The following PCBP3 variants were observed in gnomAD, a reference collection of about 807,000 sequenced individuals.
The protein encoded by PCBP3 is poly(rC)-binding protein 3.
A neutral mutation model predicts 52.7 loss-of-function variants in PCBP3; 25 were observed. That is an observed-to-expected ratio of 0.47 (90% CI 0.35 to 0.66). The LOEUF is 0.66. PCBP3 is among the 30% of genes least tolerant of loss of function. The pLI is 0.01. For synonymous variants in PCBP3, 162 were observed against 183.0 expected (o/e 0.89, Z 0.93); for missense variants, 391 against 490.3 (o/e 0.80, Z 1.91).
At chr21:45,876,915 G>A (rs564206652) in intron 5 of PCBP3, among the ~76,000 whole-genome samples, 3 of 152,334 alleles carry the variant, frequency 2.0e-5, no homozygotes, top group Non-Finnish European at 2.9e-5. Context: ...CCCAGATGGC[G>A]CTTTGCTGGC....
intron 5 of PCBP3, among the ~76,000 whole-genome samples, chr21:45,895,977 G>A (rs1366961409): frequency 6.6e-6 from 1 of 152,262 alleles, no homozygotes; most frequent in East Asian, 1.9e-4. Context: ...GGCCTGCCCA[G>A]CGTCAGGAGG....
At chr21:45,882,155 A>C (rs772375386) in intron 5 of PCBP3, among the ~76,000 whole-genome samples, 10 of 152,182 alleles carry the variant, frequency 6.6e-5, no homozygotes, top group Non-Finnish European at 1.5e-4. Context: ...AGCACTGTAC[A>C]AGGGTTCCCT....
intron 4 of PCBP3, among the ~76,000 whole-genome samples, chr21:45,844,937 T>G (rs1290685499): frequency 6.6e-6 from 1 of 150,898 alleles, no homozygotes; most frequent in Non-Finnish European, 1.5e-5. Context: ...TTTACATATA[T>G]ATATGCTTTA....
At chr21:45,786,912 C>T (rs1420915497) in intron 4 of PCBP3, among the ~76,000 whole-genome samples, 1 of 152,208 alleles carries the variant, frequency 6.6e-6, no homozygotes, top group African/African-American at 2.4e-5. Context: ...CTCCTGCCTC[C>T]TTCCATGAGA....
chr21:45,883,290 G>A (rs748210166), intron 5 of PCBP3, among the ~76,000 whole-genome samples: 1 of 152,166 alleles, frequency 6.6e-6, no homozygotes, highest in Non-Finnish European at 1.5e-5. Flanking sequence ...AATTTGCTGA[G>A]GTTTCTTTTA....
chr21:45,822,342 G>A (rs933651498), intron 4 of PCBP3, among the ~76,000 whole-genome samples: 5 of 152,112 alleles, frequency 3.3e-5, no homozygotes, highest in East Asian at 1.9e-4. Context: ...GGTGTTCTGC[G>A]TTCTTTTAAA....
Position 45,656,364 on chromosome 21 carries a change from A to G in PCBP3, c.-279+12496A>G. On this transcript the variant is annotated intron_variant, in intron 1 of 17. Transcript: ENST00000681687. This position sits in a 1 kb window ranked among gnomAD's most constrained non-coding sequence, Gnocchi z 4.3. ...TGCAGGGACATGGATGAAGCTGGAA[A>G]CCATCATTCTCAGCAAACTAACACA... 6.6e-6 allele frequency among the ~76,000 whole-genome samples: 1 copy of G among 152,064 alleles called. No homozygotes were observed. Among genetic ancestry groups the G allele is most frequent in the African/African-American group, 2.4e-5 (1 of 41,348 alleles).
intron 13 of PCBP3, among the ~76,000 whole-genome samples, chr21:45,926,831 G>A (rs950959282): frequency 2.6e-5 from 4 of 152,212 alleles, no homozygotes; most frequent in African/African-American, 9.6e-5. Flanking sequence ...TAAAACGTAA[G>A]CACAGACTGT....
At chr21:45,686,925 A>G (rs1239649548) in intron 2 of PCBP3, among the ~76,000 whole-genome samples, 1 of 152,184 alleles carries the variant, frequency 6.6e-6, no homozygotes, top group Non-Finnish European at 1.5e-5. Context: ...AAGTCCCAGA[A>G]GAGGAGGAGA....
At chr21:45,771,335 C>T (rs2089847620) in intron 4 of PCBP3, among the ~76,000 whole-genome samples, 1 of 152,152 alleles carries the variant, frequency 6.6e-6, no homozygotes, top group Non-Finnish European at 1.5e-5. Context: ...CTGTCTCAAG[C>T]ACATGGTGGG....
intron 1 of PCBP3, among the ~76,000 whole-genome samples, chr21:45,645,096 C>T (rs1191227982): frequency 6.6e-6 from 1 of 152,206 alleles, no homozygotes; most frequent in African/African-American, 2.4e-5. Context: ...TTTGCAAGAT[C>T]TGAAAGGACC....
intron 3 of PCBP3, among the ~76,000 whole-genome samples, chr21:45,738,404 G>A (rs960704852): frequency 4.6e-5 from 7 of 151,836 alleles, no homozygotes; most frequent in East Asian, 2.0e-4. Context: ...ACAGACGCCC[G>A]CCACCACGCC....
chr21:45,795,496 C>T (rs1027393634), intron 4 of PCBP3, among the ~76,000 whole-genome samples: 8 of 151,962 alleles, frequency 5.3e-5, no homozygotes, highest in South Asian at 2.1e-4. Context: ...GTAACCCAGG[C>T]GTCATTATAT....
intron 4 of PCBP3, among the ~76,000 whole-genome samples, chr21:45,771,994 T>C (rs2089906357): frequency 6.6e-6 from 1 of 152,216 alleles, no homozygotes; most frequent in African/African-American, 2.4e-5. Flanking sequence ...AGTTTTTTGT[T>C]AACCTATTTA....
rs2094129206 is a variant in PCBP3 at position 45,853,383 on chromosome 21, C to T, written c.10+3288C>T. Among the ~76,000 whole-genome samples the T allele has an allele frequency of 6.6e-6, 1 of 152,044 alleles. No homozygotes were observed. Among genetic ancestry groups the T allele is most frequent in the Admixed American group, 6.6e-5 (1 of 15,264 alleles). On this transcript the variant is annotated intron_variant, in intron 5 of 17. Transcript: ENST00000681687. This position sits in a 1 kb window ranked among gnomAD's most constrained non-coding sequence, Gnocchi z 4.6. ...TGGTGGAGGGTGTCCAGGTTCTTGG[C>T]GTTTTGAAAAAATAATTGGACAAAA...
chr21:45,710,248 AC>A (rs1217173499), intron 2 of PCBP3, among the ~76,000 whole-genome samples: 1 of 152,126 alleles, frequency 6.6e-6, no homozygotes. Context: ...GGTGTGCTGC[AC>A]CCATTAACTC....
intron 4 of PCBP3, among the ~76,000 whole-genome samples, chr21:45,838,171 A>G (rs1369773024): frequency 2.6e-5 from 4 of 152,180 alleles, no homozygotes; most frequent in African/African-American, 9.7e-5. Flanking sequence ...GTGAAGCATC[A>G]TTGTTAACTG....
At chr21:45,806,714 G>A (rs1443686206) in intron 4 of PCBP3, among the ~76,000 whole-genome samples, 1 of 151,916 alleles carries the variant, frequency 6.6e-6, no homozygotes, top group East Asian at 1.9e-4. Flanking sequence ...AAAGGGCCAG[G>A]GACCCAGGCC....
intron 2 of PCBP3, among the ~76,000 whole-genome samples, chr21:45,674,581 A>G (rs1336149341): frequency 1.3e-5 from 2 of 152,214 alleles, no homozygotes; most frequent in Non-Finnish European, 2.9e-5. Flanking sequence ...AATTAATTAA[A>G]CAAATAATAA....
Sources: gnomAD v4.1 joint callset for allele counts (sites outside exome capture counted in the v4.1 genomes callset) on GRCh38, gnomAD v4.1.1 for gene constraint, Gnocchi (gnomAD v3.1) non-coding constraint, MANE v1.5 for transcripts, NCBI Gene and HGNC (gene_info 2026-07-23, HGNC 2026-07-21) for gene names.